Variants in NSUN7 observed in about 807,000 individuals in gnomAD.
The protein encoded by NSUN7 is NOP2/Sun RNA methyltransferase family member 7.
A neutral mutation model predicts 58.5 loss-of-function variants in NSUN7; 39 were observed. The ratio of observed to expected loss-of-function variants is 0.67; its 90% CI spans 0.52 to 0.87. The LOEUF (loss-of-function observed/expected upper bound fraction) is 0.87, where lower values mean the gene tolerates loss of function less well. Ranked by LOEUF, NSUN7 falls within the 40% of genes least tolerant of loss-of-function variation. The pLI is 0.00. For synonymous variants in NSUN7, 278 were observed against 303.7 expected (o/e 0.92, Z 0.88); for missense variants, 765 against 844.1 (o/e 0.91, Z 1.16).
chr4:40,803,470 A>G (rs1411618395), intron 10 of NSUN7, among the ~76,000 whole-genome samples: 4 of 152,048 alleles, frequency 2.6e-5, no homozygotes, highest in Non-Finnish European at 5.9e-5. Flanking sequence ...CTTTTTAATG[A>G]TCGCCATTCT....
chr4:40,750,956 GT>G lies in NSUN7; in HGVS notation c.266del (p.Leu89CysfsTer10). 1 of 1,614,146 alleles carries G rather than the reference GT, an allele frequency of 6.2e-7. No homozygotes were observed. The highest frequency in any genetic ancestry group is 1.7e-4 in the Middle Eastern group (1 of 6,060). ...LSESEDQSFQ[R>X]LSYELAFSAL... The stretch of plus-strand genomic sequence containing the variant: ...GAGTCTGAGGATCAGTCCTTTCAGC[GT>G]TTGTCTTATGAGCTGGCTTTCAGTG... On this transcript the variant is annotated frameshift_variant, in exon 2 of 12. Transcript: ENST00000381782. LOFTEE classifies it high-confidence loss of function.
intron 4 of NSUN7, among the ~76,000 whole-genome samples, chr4:40,769,611 T>G (rs1741901060): frequency 6.6e-6 from 1 of 152,226 alleles, no homozygotes; most frequent in Non-Finnish European, 1.5e-5. Flanking sequence ...GTGATTTACA[T>G]TGACTGGTTT....
intron 4 of NSUN7, among the ~76,000 whole-genome samples, chr4:40,766,508 A>C (rs1741735146): frequency 2.0e-5 from 3 of 152,164 alleles, no homozygotes; most frequent in Admixed American, 2.0e-4. Context: ...GGATTTTCGC[A>C]TCAATGTTCA....
In NSUN7 at chr4:40,774,927, A is replaced by G. The variant is rs747897286; in HGVS notation, c.802A>G (p.Lys268Glu). 1.7e-6 allele frequency: 2 copies of G among 1,166,976 alleles called. No homozygotes were observed. Among genetic ancestry groups the G allele is most frequent in the South Asian group, 1.3e-5 (1 of 76,820 alleles). The allele number at this position is 1,166,976 out of a possible 1,614,324, so 72.3% of individuals were successfully genotyped here. A position where few individuals can be genotyped will look rare whatever the true frequency, so the allele number is the denominator to read the frequency against. The change falls in exon 6 of 12, where the codon AAA becomes GAA. Residue 268 changes from lysine (K) to glutamate (E), a missense_variant. Transcript: ENST00000381782. The stretch of plus-strand genomic sequence containing the variant: ...TGATCTTATAAATATAGATCTTTTC[A>G]AAGATTACAAACTTATATTTCAGGT... ...KNDLINIDLFKDYKLIFQDKS... is the reference protein window; with the variant it reads ...KNDLINIDLFEDYKLIFQDKS...
chr4:40,756,270 C>A (rs1741140110), intron 2 of NSUN7, among the ~76,000 whole-genome samples: 3 of 152,154 alleles, frequency 2.0e-5, no homozygotes, highest in Non-Finnish European at 4.4e-5. Flanking sequence ...GTCTGATAAA[C>A]CCAATTTTTC....
In NSUN7 at chr4:40,794,386, C is replaced by T. The variant is rs771607966; in HGVS notation, c.1192C>T (p.Leu398Phe). ...ILNEHEDTEFLKDHSQGGISV... is the reference protein window; with the variant it reads ...ILNEHEDTEFFKDHSQGGISV... The stretch of plus-strand genomic sequence containing the variant: ...TTTTTAAAATTCAGATACAGAATTC[C>T]TTAAAGATCACTCTCAAGGAGGCAT... Residue 398 changes from leucine to phenylalanine, a missense_variant, in exon 9 of 12, where the codon CTT becomes TTT. Transcript: ENST00000381782. 2 of 1,602,224 alleles carry T rather than the reference C, an allele frequency of 1.2e-6. No individual in the cohort carries two copies. Among genetic ancestry groups the T allele is most frequent in the Non-Finnish European group, 1.7e-6 (2 of 1,172,262 alleles).
In NSUN7 at chr4:40,775,086, C is replaced by CAATTAATTAA. The variant is rs1318060943; in HGVS notation, c.825+136_825+137insAATTAATTAA. ...GAGGTTTATAAGGCCTAATTGTCAC[C>CAATTAATTAA]TTGAATAAAATTAATACCTCTACAA... On this transcript the variant is annotated intron_variant, in intron 6 of 11. Coordinates refer to ENST00000381782, the MANE Select transcript of NSUN7 (RefSeq NM_024677.6). This position sits in a 1 kb window ranked among gnomAD's most constrained non-coding sequence, Gnocchi z 4.3. 3 of 453,544 alleles carry CAATTAATTAA rather than the reference C, an allele frequency of 6.6e-6. No individual in the cohort carries two copies. Among genetic ancestry groups the CAATTAATTAA allele is most frequent in the Non-Finnish European group, 1.2e-5 (3 of 254,716 alleles). 28.1% of individuals were successfully genotyped at this position (453,544 alleles called of 1,614,324 possible).
At chr4:40,760,592 G>T (rs1458323195) in intron 3 of NSUN7, 100 bp downstream of exon 3, 14 of 928,304 alleles carry the variant, frequency 1.5e-5, no homozygotes, top group Non-Finnish European at 2.1e-5. Flanking sequence ...GCCGGGCGCA[G>T]TGGCTCACAC....
intron 2 of NSUN7, among the ~76,000 whole-genome samples, chr4:40,756,732 G>T (rs1047586249): frequency 1.3e-5 from 2 of 152,096 alleles, no homozygotes; most frequent in African/African-American, 2.4e-5. Flanking sequence ...GAGATTAAAT[G>T]AATTAATATA....
intron 7 of NSUN7, among the ~76,000 whole-genome samples, chr4:40,784,933 A>G (rs1027595003): frequency 1.3e-5 from 2 of 152,226 alleles, no homozygotes; most frequent in East Asian, 3.8e-4. Flanking sequence ...TATGTAGAAC[A>G]CCGTACCTAG....
In NSUN7 at chr4:40,776,085, G is replaced by C. The variant is rs1349597361; in HGVS notation, c.862G>C (p.Ala288Pro). Residue 288 changes from alanine (A) to proline (P), a missense_variant, in exon 7 of 12, where the codon GCT (alanine) becomes CCT (proline). Physicochemically the swap from Ala to Pro is conservative, Grantham distance 27 (BLOSUM62 -1). Transcript: ENST00000381782. ...AAGTCTTGCTGTCCATTCTGTAAAG[G>C]CTTTATTAAATATGGATGATGATGT... Reference protein sequence around the residue: ...SRSLAVHSVKALLNMDDDVLM... With the variant: ...SRSLAVHSVKPLLNMDDDVLM... 9 of 1,608,970 alleles carry C rather than the reference G, an allele frequency of 5.6e-6. No homozygotes were observed. In the African/African-American group the frequency reaches 9.4e-5, roughly 17 times the overall value.
intron 2 of NSUN7, among the ~76,000 whole-genome samples, chr4:40,758,866 C>CA (rs1211370317): frequency 1.3e-5 from 2 of 151,056 alleles, no homozygotes; most frequent in Non-Finnish European, 3.0e-5. Flanking sequence ...GCCTGGGTGA[C>CA]AGAGGAAGAC....
chr4:40,753,923 G>A (rs571798241), intron 2 of NSUN7, among the ~76,000 whole-genome samples: 24 of 152,122 alleles, frequency 1.6e-4, no homozygotes, highest in Non-Finnish European at 2.6e-4. Context: ...TTCACCTTCC[G>A]CCATGATTGT....
In NSUN7 at chr4:40,758,157, T is replaced by C. The variant is rs555490470; in HGVS notation, c.299-2277T>C. Among the ~76,000 whole-genome samples, 22 of 152,228 alleles carry C rather than the reference T, an allele frequency of 1.4e-4. No homozygotes were observed. The South Asian group carries it at 4.6e-3, about 32-fold the overall frequency. On this transcript the variant is annotated intron_variant, in intron 2 of 11. Coordinates refer to ENST00000381782, the MANE Select transcript of NSUN7 (RefSeq NM_024677.6). ...CTGGCCTTGAACTCCTGACCTCAGG[T>C]GATCCACCTGTCTTGGCCTCCCAAA...
At chr4:40,769,415 C>G (rs1487231951) in intron 4 of NSUN7, among the ~76,000 whole-genome samples, 1 of 152,188 alleles carries the variant, frequency 6.6e-6, no homozygotes, top group Non-Finnish European at 1.5e-5. Flanking sequence ...AGCACAGAAA[C>G]CTGATCCCTG....
At chr4:40,791,539 C>T (rs1743072694) in intron 8 of NSUN7, among the ~76,000 whole-genome samples, 1 of 152,148 alleles carries the variant, frequency 6.6e-6, no homozygotes, top group Admixed American at 6.5e-5. Flanking sequence ...CAAATACAAC[C>T]AGTCTGACTC....
At chr4:40,763,324 TTGTGTC>T (rs1741546813) in intron 4 of NSUN7, among the ~76,000 whole-genome samples, 1 of 152,204 alleles carries the variant, frequency 6.6e-6, no homozygotes, top group Non-Finnish European at 1.5e-5. Flanking sequence ...CCTGTTTACT[TTGTGTC>T]TGGGGGAAAC....
intron 7 of NSUN7, among the ~76,000 whole-genome samples, chr4:40,777,353 A>T (rs1477998103): frequency 2.0e-5 from 3 of 151,832 alleles, no homozygotes; most frequent in Middle Eastern, 3.4e-3. Flanking sequence ...TTTTTCTGAG[A>T]TGGAGTCTCC....
chr4:40,807,105 A>C lies in NSUN7; in HGVS notation c.1445A>C (p.Gln482Pro). The C allele has an allele frequency of 6.4e-7, 1 of 1,551,660 alleles. No homozygotes were observed. Among genetic ancestry groups the C allele is most frequent in the Non-Finnish European group, 8.7e-7 (1 of 1,146,832 alleles). The change falls in exon 11 of 12, where the codon CAA becomes CCA. Residue 482 changes from glutamine (Q) to proline (P), a missense_variant. Transcript: ENST00000381782. ...VLPLCSLKEI[Q>P]LSTDKFFRME... ...CCACTGTGCTCCTTAAAGGAAATTC[A>C]ATTGTCTACTGATAAATTTTTCAGA...
Sources: gnomAD v4.1 joint callset for allele counts (sites outside exome capture counted in the v4.1 genomes callset) on GRCh38, gnomAD v4.1.1 for gene constraint, Gnocchi (gnomAD v3.1) non-coding constraint, MANE v1.5 for transcripts, NCBI Gene and HGNC (gene_info 2026-07-23, HGNC 2026-07-21) for gene names.